The following LRTM2 variants were observed in gnomAD, a reference collection of about 807,000 sequenced individuals.
LRTM2 encodes the protein leucine rich repeat transmembrane protein 2.
A neutral mutation model predicts 28.1 loss-of-function variants in LRTM2; 18 were observed. The observed-to-expected ratio is 0.64, with a 90% confidence interval of 0.44 to 0.95. The LOEUF is 0.95. Ranked by LOEUF, LRTM2 falls within the 40% of genes least tolerant of loss-of-function variation. The probability of loss-of-function intolerance (pLI) is 0.00; values close to 1 mark genes in which losing one functional copy is unlikely to be tolerated. For missense variants in LRTM2, 436 were observed against 497.2 expected (o/e 0.88, Z 1.17); for synonymous variants, 250 against 218.7 (o/e 1.14, Z -1.26).
In LRTM2 at chr12:1,833,109, C is replaced by A. The variant is rs1864703295; in HGVS notation, c.659-1158C>A. On this transcript the variant is annotated intron_variant, in intron 4 of 4. Transcript: ENST00000299194. This position sits in a 1 kb window ranked among gnomAD's most constrained non-coding sequence, Gnocchi z 4.2. ...CAAAAATGCATGCCATGAGAATGTG[C>A]AGTTTTCAGACTTTTTCAATAGCGG... Among the ~76,000 whole-genome samples, 1 of 152,222 alleles carries A rather than the reference C, an allele frequency of 6.6e-6. No individual in the cohort carries two copies. Among genetic ancestry groups the A allele is most frequent in the African/African-American group, 2.4e-5 (1 of 41,456 alleles).
At position 1,833,674 on chromosome 12, in the gene LRTM2, T is replaced by C. The variant is rs7303742; in HGVS notation, c.659-593T>C. Reference sequence around the variant, plus strand: ...CATTCCTGCCCAACTCTTTTCCTCTTTACGCCAGGAAGGGAGCTGCCCATT... The same window carrying C: ...CATTCCTGCCCAACTCTTTTCCTCTCTACGCCAGGAAGGGAGCTGCCCATT... On this transcript the variant is annotated intron_variant, in intron 4 of 4. Transcript: ENST00000299194. This position sits in a 1 kb window ranked among gnomAD's most constrained non-coding sequence, Gnocchi z 4.2. Among the ~76,000 whole-genome samples, 138,233 of 152,264 alleles carry C rather than the reference T, an allele frequency of 0.91. 62,821 individuals are homozygous for C. The highest frequency in any genetic ancestry group is 0.99 in the East Asian group (5,140 of 5,190).
chr12:1,823,046 C>T (rs1864173014), intron 1 of LRTM2, among the ~76,000 whole-genome samples: 1 of 152,180 alleles, frequency 6.6e-6, no homozygotes, highest in African/African-American at 2.4e-5. Context: ...TGCAAATGCC[C>T]CCTTTACCCC....
rs369654268 is a variant in LRTM2 at position 1,831,531 on chromosome 12, C to T, written c.658+6C>T. The stretch of plus-strand genomic sequence containing the variant: ...GGAGTGGTTCTCCTACCGAGGTGAG[C>T]GCAGCCGGCCCTGCTGGGGCCCGAG... On this transcript the variant is annotated splice_donor_region_variant and intron_variant, in intron 4 of 4. Transcript: ENST00000299194. 2.4e-5 allele frequency: 38 copies of T among 1,607,048 alleles called. No homozygotes were observed. The highest frequency in any genetic ancestry group is 6.6e-5 in the South Asian group (6 of 90,570).
chr12:1,824,136 G>C (rs1430433390), intron 1 of LRTM2, among the ~76,000 whole-genome samples: 5 of 152,180 alleles, frequency 3.3e-5, no homozygotes, highest in Admixed American at 6.5e-5. Flanking sequence ...CCAGGTCCCA[G>C]TTAGCTTCTC....
Position 1,834,988 on chromosome 12 carries a change from G to C in LRTM2, c.*267G>C, listed in dbSNP as rs772748843. ...GGGATCTCCCTAAGCTCTGGCCACAGCAAAGCAAGGAGGTGTGTGCAAGAG... is the reference window on the plus strand; with the variant it reads ...GGGATCTCCCTAAGCTCTGGCCACACCAAAGCAAGGAGGTGTGTGCAAGAG... On this transcript the variant is annotated 3_prime_UTR_variant, in exon 5 of 5. Coordinates refer to ENST00000299194, the MANE Select transcript of LRTM2 (RefSeq NM_001039029.3). The surrounding 1 kb of genome is among the most constrained non-coding windows in gnomAD (Gnocchi z 7.6). 3 of 536,316 alleles carry C rather than the reference G, an allele frequency of 5.6e-6. No homozygotes were observed. Among genetic ancestry groups the C allele is most frequent in the African/African-American group, 1.9e-5 (1 of 52,546 alleles). 33.2% of individuals were successfully genotyped at this position (536,316 alleles called of 1,614,324 possible).
At position 1,834,567 on chromosome 12, in the gene LRTM2, T is replaced by G. The variant is rs747763135; in HGVS notation, c.959T>G (p.Val320Gly). Residue 320 changes from valine to glycine, a missense_variant, in exon 5 of 5, where the codon GTC becomes GGC. Coordinates refer to ENST00000299194, the MANE Select transcript of LRTM2 (RefSeq NM_001039029.3). The surrounding 1 kb of genome is among the most constrained non-coding windows in gnomAD (Gnocchi z 7.6). ...TVIIAGVVCG[V>G]VCIMMVVAAA... ...ATCATTGCAGGGGTCGTGTGCGGCGTCGTCTGCATCATGATGGTGGTGGCC... is the reference window on the plus strand; with the variant it reads ...ATCATTGCAGGGGTCGTGTGCGGCGGCGTCTGCATCATGATGGTGGTGGCC... 32 of 1,601,446 alleles carry G rather than the reference T, an allele frequency of 2.0e-5. 1 individual carries two copies. The highest frequency in any genetic ancestry group is 1.1e-4 in the East Asian group (5 of 44,880).
chr12:1,826,412 C>T lies in LRTM2; in HGVS notation c.-258-998C>T, dbSNP rs963078751. On this transcript the variant is annotated intron_variant, in intron 1 of 4. Coordinates refer to ENST00000299194, the MANE Select transcript of LRTM2 (RefSeq NM_001039029.3). ...ATTTGAACCCAGAGCCCCCCCCCCCCCCCCGCCAACTGGCACCAGGAGCCC... is the reference window on the plus strand; with the variant it reads ...ATTTGAACCCAGAGCCCCCCCCCCCTCCCCGCCAACTGGCACCAGGAGCCC... Among the ~76,000 whole-genome samples the T allele has an allele frequency of 2.6e-4, 11 of 41,720 alleles. 1 individual carries two copies. Among genetic ancestry groups the T allele is most frequent in the Non-Finnish European group, 4.6e-4 (5 of 10,946 alleles). The allele number at this position is 41,720 out of a possible 152,430, so 27.4% of individuals were successfully genotyped here.
In LRTM2 at chr12:1,832,946, T is replaced by C. The variant is rs1864695755; in HGVS notation, c.659-1321T>C. On this transcript the variant is annotated intron_variant, in intron 4 of 4. Coordinates refer to ENST00000299194, the MANE Select transcript of LRTM2 (RefSeq NM_001039029.3). ...ATCCCTGTCAGCACCCAGCTTTGCA[T>C]CCCCAGGCAGCACTGATACGTGTTC... 2.6e-5 allele frequency among the ~76,000 whole-genome samples: 4 copies of C among 152,344 alleles called. No homozygotes were observed. The South Asian group carries it at 8.3e-4, about 32-fold the overall frequency.
At position 1,828,848 on chromosome 12, in the gene LRTM2, TG is replaced by T. The variant is rs1405301304; in HGVS notation, c.67+635del. Among the ~76,000 whole-genome samples the T allele has an allele frequency of 6.6e-6, 1 of 152,152 alleles. No individual in the cohort carries two copies. Among genetic ancestry groups the T allele is most frequent in the Non-Finnish European group, 1.5e-5 (1 of 68,026 alleles). Reference sequence around the variant, plus strand: ...AGGAAGCGTGAATGAAGGCAACACTTGGCAGCTGTCAGGGTGAAAGGAGCCC... The same window carrying T: ...AGGAAGCGTGAATGAAGGCAACACTTGCAGCTGTCAGGGTGAAAGGAGCCC... On this transcript the variant is annotated intron_variant, in intron 3 of 4. Transcript: ENST00000299194. The surrounding 1 kb of genome is among the most constrained non-coding windows in gnomAD (Gnocchi z 4.2).
At chr12:1,825,996 G>GA (rs1331788226) in intron 1 of LRTM2, among the ~76,000 whole-genome samples, 3 of 152,216 alleles carry the variant, frequency 2.0e-5, no homozygotes, top group Admixed American at 6.5e-5. Flanking sequence ...GCTGCTGTTT[G>GA]AAGGCAGGCC....
rs1864793690 is a variant in LRTM2, at chr12:1,834,960, T to TAAAGCTTA, written c.*239_*240insAAAGCTTA. On this transcript the variant is annotated 3_prime_UTR_variant, in exon 5 of 5. Coordinates refer to ENST00000299194, the MANE Select transcript of LRTM2 (RefSeq NM_001039029.3). The surrounding 1 kb of genome is among the most constrained non-coding windows in gnomAD (Gnocchi z 7.6). ...TGGGCCAGTAAATCTTTGGAACATG[T>TAAAGCTTA]GGGGGATCTCCCTAAGCTCTGGCCA... 1.4e-6 allele frequency: 1 copy of TAAAGCTTA among 693,844 alleles called. No individual in the cohort carries two copies. The highest frequency in any genetic ancestry group is 1.8e-5 in the African/African-American group (1 of 55,530). The allele number at this position is 693,844 out of a possible 1,614,324, so 43.0% of individuals were successfully genotyped here.
At position 1,831,434 on chromosome 12, in the gene LRTM2, C is replaced by T. The variant is rs768465054; in HGVS notation, c.567C>T (p.Asn189=). 3.1e-6 allele frequency: 5 copies of T among 1,614,178 alleles called. No individual in the cohort carries two copies. Among genetic ancestry groups the T allele is most frequent in the Non-Finnish European group, 3.4e-6 (4 of 1,180,050 alleles). ...LDRLTFEPLA[N]LQLLQVGDNP... Reference sequence around the variant, plus strand: ...GGCTGACATTTGAACCCCTAGCAAACCTGCAGCTGCTGCAGGTCGGGGATA... The same window carrying T: ...GGCTGACATTTGAACCCCTAGCAAATCTGCAGCTGCTGCAGGTCGGGGATA... Residue 189 remains asparagine (N), a synonymous_variant, in exon 4 of 5, where the codon AAC becomes AAT. Coordinates refer to ENST00000299194, the MANE Select transcript of LRTM2 (RefSeq NM_001039029.3).
At chr12:1,831,984 G>A (rs1274371371) in intron 4 of LRTM2, among the ~76,000 whole-genome samples, 1 of 152,180 alleles carries the variant, frequency 6.6e-6, no homozygotes, top group Non-Finnish European at 1.5e-5. Context: ...ACATGAGAGG[G>A]GAATAGAATG....
intron 1 of LRTM2, among the ~76,000 whole-genome samples, chr12:1,826,418 C>A (rs1864328858): frequency 7.0e-6 from 1 of 143,584 alleles, no homozygotes; most frequent in Non-Finnish European, 1.5e-5. Context: ...CCCCCCCCCG[C>A]CAACTGGCAC....
chr12:1,830,851 T>C, intron 3 of LRTM2, 84 bp from the exon 4 acceptor site: 7 of 1,161,954 alleles, frequency 6.0e-6, no homozygotes, highest in Non-Finnish European at 8.4e-6. Context: ...AAGAGCCTGT[T>C]ATGAGCTAGA....
chr12:1,826,777 G>C (rs1592682756), intron 1 of LRTM2, among the ~76,000 whole-genome samples: 1 of 152,256 alleles, frequency 6.6e-6, no homozygotes, highest in East Asian at 1.9e-4. Flanking sequence ...CAAGGAGGGA[G>C]GGGCCGAGGG....
In LRTM2 at chr12:1,828,521, C is replaced by T. The variant is rs879045575; in HGVS notation, c.67+306C>T. On this transcript the variant is annotated intron_variant, in intron 3 of 4. Transcript: ENST00000299194. This position sits in a 1 kb window ranked among gnomAD's most constrained non-coding sequence, Gnocchi z 4.2. ...GCTGGGGTCCCCAACAGGAGAAGAG[C>T]TCTGCTGGAATGCAGGCCTGCTGAG... Among the ~76,000 whole-genome samples, 10 of 152,230 alleles carry T rather than the reference C, an allele frequency of 6.6e-5. No homozygotes were observed. The highest frequency in any genetic ancestry group is 2.6e-4 in the Admixed American group (4 of 15,288).
intron 1 of LRTM2, among the ~76,000 whole-genome samples, chr12:1,822,522 T>G (rs998722004): frequency 2.0e-5 from 3 of 152,128 alleles, no homozygotes; most frequent in African/African-American, 7.2e-5. Flanking sequence ...CTTAGCCTCC[T>G]TCATGTCAGG....
intron 1 of LRTM2, among the ~76,000 whole-genome samples, chr12:1,823,510 G>C (rs888073447): frequency 6.6e-6 from 1 of 152,104 alleles, no homozygotes. Context: ...AGCCCACTCA[G>C]CTCCGCATGT....
Sources: gnomAD v4.1 joint callset for allele counts (sites outside exome capture counted in the v4.1 genomes callset) on GRCh38, gnomAD v4.1.1 for gene constraint, Gnocchi (gnomAD v3.1) non-coding constraint, MANE v1.5 for transcripts, NCBI Gene and HGNC (gene_info 2026-07-23, HGNC 2026-07-21) for gene names.